Variants in SMG6 observed in about 807,000 individuals in gnomAD.
SMG6 encodes the protein telomerase-binding protein EST1A.
A neutral mutation model predicts 142.2 loss-of-function variants in SMG6; 66 were observed. The ratio of observed to expected loss-of-function variants is 0.46; its 90% CI spans 0.38 to 0.57. The LOEUF is 0.57. Among genes scored for constraint, SMG6 ranks in the 20% least tolerant of loss-of-function variants. The pLI is 0.00. For missense variants in SMG6, 1,793 were observed against 1,832.0 expected, an observed-to-expected ratio of 0.98 and a Z score of 0.39; for synonymous variants, 779 against 702.4, an observed-to-expected ratio of 1.11 and a Z score of -1.72.
intron 13 of SMG6, among the ~76,000 whole-genome samples, chr17:2,141,510 C>G (rs570585987): frequency 6.6e-6 from 1 of 152,220 alleles, no homozygotes; most frequent in Admixed American, 6.5e-5. Flanking sequence ...GGCACAATCA[C>G]AGCTCACTGT....
intron 6 of SMG6, among the ~76,000 whole-genome samples, chr17:2,288,623 A>T (rs77492700): frequency 5.0e-5 from 1 of 20,158 alleles, no homozygotes; most frequent in African/African-American, 1.4e-4. Flanking sequence ...CTCTCAATTA[A>T]AAAAAAAAAA....
chr17:2,194,744 C>A (rs1175478585), intron 10 of SMG6, among the ~76,000 whole-genome samples: 3 of 150,910 alleles, frequency 2.0e-5, no homozygotes, highest in African/African-American at 7.3e-5. Flanking sequence ...TCAAAAGAGG[C>A]TGGAGATAAT....
At chr17:2,201,554 G>A (rs1418998299) in intron 10 of SMG6, among the ~76,000 whole-genome samples, 17 of 151,394 alleles carry the variant, frequency 1.1e-4, no homozygotes, top group Non-Finnish European at 8.8e-5. Flanking sequence ...AATATTGGGC[G>A]TGGTGGCAGG....
chr17:2,289,907 C>T (rs2151390938), intron 6 of SMG6, among the ~76,000 whole-genome samples: 1 of 147,264 alleles, frequency 6.8e-6, no homozygotes, highest in South Asian at 2.1e-4. Context: ...CAAAGCGAGG[C>T]TCCATCTCAA....
chr17:2,079,442 G>A (rs959078943), intron 15 of SMG6, among the ~76,000 whole-genome samples: 2 of 151,228 alleles, frequency 1.3e-5, no homozygotes, highest in South Asian at 2.1e-4. Flanking sequence ...AGACCATCCT[G>A]GCTAACATGG....
intron 8 of SMG6, chr17:2,280,650 A>G: frequency 2.2e-6 from 2 of 905,172 alleles, no homozygotes; most frequent in South Asian, 5.1e-5. Flanking sequence ...TAAGGGTAAT[A>G]GTTACCCAAG....
intron 13 of SMG6, among the ~76,000 whole-genome samples, chr17:2,140,861 C>T (rs866465523): frequency 1.3e-5 from 2 of 152,104 alleles, no homozygotes; most frequent in Non-Finnish European, 2.9e-5. Context: ...CTGGAATTGC[C>T]TTTCAAGTAT....
intron 6 of SMG6, 73 bp downstream of exon 6, chr17:2,292,479 C>G: frequency 1.4e-6 from 2 of 1,406,822 alleles, no homozygotes; most frequent in Non-Finnish European, 2.0e-6. Flanking sequence ...GCTCCAGGAA[C>G]TGATATTATC....
chr17:2,076,165 C>G (rs2068251852), intron 15 of SMG6, among the ~76,000 whole-genome samples: 1 of 152,168 alleles, frequency 6.6e-6, no homozygotes, highest in Non-Finnish European at 1.5e-5. Flanking sequence ...CTTCCCCAAA[C>G]ATGCGTGGTT....
At chr17:2,144,968 TCAGGGCAAGCAC>T (rs1012131767) in intron 13 of SMG6, among the ~76,000 whole-genome samples, 1 of 152,150 alleles carries the variant, frequency 6.6e-6, no homozygotes, top group Non-Finnish European at 1.5e-5. Flanking sequence ...ACAGAAATCA[TCAGGGCAAGCAC>T]CAGCCAGCTT....
At chr17:2,247,034 C>T (rs1387717495) in intron 8 of SMG6, among the ~76,000 whole-genome samples, 1 of 152,190 alleles carries the variant, frequency 6.6e-6, no homozygotes, top group African/African-American at 2.4e-5. Flanking sequence ...GCTACACCAA[C>T]ATTAGTGGCG....
intron 10 of SMG6, among the ~76,000 whole-genome samples, chr17:2,226,533 C>T (rs1295402798): frequency 6.6e-6 from 1 of 151,678 alleles, no homozygotes; most frequent in Non-Finnish European, 1.5e-5. Context: ...GAGCCAAGAT[C>T]ACGCCATTGC....
At chr17:2,297,143 T>C (rs1224235628) in intron 4 of SMG6, 100 bp downstream of exon 4, 9 of 787,514 alleles carry the variant, frequency 1.1e-5, no homozygotes, top group Non-Finnish European at 1.2e-5. Flanking sequence ...TATCATTATT[T>C]TATCCTCAAC....
rs768804013 is a variant in SMG6 at position 2,068,964 on chromosome 17, G to A, written c.3682-33C>T. 15 of 1,609,198 alleles carry A rather than the reference G, an allele frequency of 9.3e-6. No individual in the cohort carries two copies. The highest frequency in any genetic ancestry group is 1.2e-5 in the Non-Finnish European group (14 of 1,176,544). ...GACAGAGTGGTGAATGAGCCAGACA[G>A]CGAGCAGGCAAGCAGGTGGGTGAGC... On this transcript the variant is annotated intron_variant, in intron 15 of 18. Transcript: ENST00000263073. The surrounding 1 kb of genome is among the most constrained non-coding windows in gnomAD (Gnocchi z 6.7).
intron 8 of SMG6, among the ~76,000 whole-genome samples, chr17:2,279,249 A>G (rs1012672287): frequency 1.3e-5 from 2 of 152,242 alleles, no homozygotes; most frequent in African/African-American, 4.8e-5. Context: ...AGAGATGAAC[A>G]ACAGCCAGGA....
At chr17:2,225,190 A>G (rs2073280139) in intron 10 of SMG6, among the ~76,000 whole-genome samples, 1 of 152,104 alleles carries the variant, frequency 6.6e-6, no homozygotes, top group Admixed American at 6.6e-5. Context: ...TATACAGGTG[A>G]GTTAAGGCCA....
chr17:2,213,491 G>T (rs925490446), intron 10 of SMG6, among the ~76,000 whole-genome samples: 3 of 152,162 alleles, frequency 2.0e-5, no homozygotes, highest in African/African-American at 7.2e-5. Context: ...AGTTTGCTGA[G>T]TTCCAGGCCA....
chr17:2,110,474 C>A (rs1010605628), intron 13 of SMG6, among the ~76,000 whole-genome samples: 1 of 152,086 alleles, frequency 6.6e-6, no homozygotes, highest in Non-Finnish European at 1.5e-5. Flanking sequence ...CTATGACACA[C>A]GCACACGCAC....
chr17:2,277,168 T>TA (rs765578523), intron 8 of SMG6, among the ~76,000 whole-genome samples: 2,938 of 57,194 alleles, frequency 0.051, 96 homozygotes, highest in African/African-American at 0.12. Context: ...TTTATTTATT[T>TA]TTTATTTTTT....
Sources: allele counts gnomAD v4.1 joint callset (sites outside exome capture counted in the v4.1 genomes callset), GRCh38; gene constraint gnomAD v4.1.1; non-coding constraint Gnocchi (gnomAD v3.1); transcripts MANE v1.5; gene names NCBI Gene and HGNC (gene_info 2026-07-23, HGNC 2026-07-21).